ANOS1: variants seen among roughly 807,000 people sequenced by gnomAD.
The protein encoded by ANOS1 is anosmin-1.
In ANOS1, 6 loss-of-function variants were observed where a neutral mutation model predicts 59.0. That is an observed-to-expected ratio of 0.10 (90% CI 0.06 to 0.20). The LOEUF is 0.20. Among genes scored for constraint, ANOS1 ranks in the 10% least tolerant of loss-of-function variants. ANOS1 has a pLI of 1.00. For synonymous variants in ANOS1, 217 were observed against 223.4 expected, an observed-to-expected ratio of 0.97 and a Z score of 0.25; for missense variants, 433 against 542.3, an observed-to-expected ratio of 0.80 and a Z score of 2.00.
chrX:8,635,395 G>C (rs981064977), intron 2 of ANOS1, among the ~76,000 whole-genome samples: 3 of 111,860 alleles, frequency 2.7e-5, no homozygotes, highest in Non-Finnish European at 3.8e-5. Context: ...AAAATCAGCA[G>C]AATCAGTCTG....
chrX:8,632,773 TA>T lies in ANOS1; in HGVS notation c.256-9104del, dbSNP rs574902851. Among the ~76,000 whole-genome samples the T allele has an allele frequency of 2.8e-3, 288 of 102,386 alleles. 1 individual carries two copies. Among genetic ancestry groups the T allele is most frequent in the African/African-American group, 6.8e-3 (194 of 28,437 alleles). 88.9% of individuals were successfully genotyped at this position (102,386 alleles called of 115,157 possible). On this transcript the variant is annotated intron_variant, in intron 2 of 13. Transcript: ENST00000262648. ...TATAAAGAATAAGCCTTGGGGTTCT[TA>T]AAAAAAAAAAACCTCCAACTTTTTA...
chrX:8,660,309 T>C (rs773697466), intron 2 of ANOS1, among the ~76,000 whole-genome samples: 27 of 112,246 alleles, frequency 2.4e-4, no homozygotes, highest in Non-Finnish European at 4.7e-4. Flanking sequence ...GTTTGTGTTC[T>C]CCCCATTCCT....
intron 3 of ANOS1, among the ~76,000 whole-genome samples, chrX:8,607,514 A>T (rs779374830): frequency 1.8e-3 from 197 of 111,853 alleles, no homozygotes; most frequent in Non-Finnish European, 1.3e-3. Context: ...TTTGAAAACA[A>T]ATGTGTCACC....
At chrX:8,556,220 A>G (rs1929946862) in intron 8 of ANOS1, among the ~76,000 whole-genome samples, 1 of 112,213 alleles carries the variant, frequency 8.9e-6, no homozygotes, top group Non-Finnish European at 1.9e-5. Flanking sequence ...CCCACAGCCA[A>G]TATCATACTG....
chrX:8,627,411 A>G (rs1452953238), intron 2 of ANOS1, among the ~76,000 whole-genome samples: 1 of 112,078 alleles, frequency 8.9e-6, no homozygotes, highest in Non-Finnish European at 1.9e-5. Context: ...AAAAACAGGC[A>G]TATTTCTGGA....
intron 2 of ANOS1, among the ~76,000 whole-genome samples, chrX:8,641,078 T>C: frequency 8.9e-6 from 1 of 112,140 alleles, no homozygotes. Flanking sequence ...AGAAAATTAG[T>C]AGGAAATGAT....
chrX:8,559,338 CT>C (rs1446854425), intron 8 of ANOS1, among the ~76,000 whole-genome samples: 1 of 55,882 alleles, frequency 1.8e-5, no homozygotes, highest in African/African-American at 6.1e-5. Context: ...AAAGCATGAA[CT>C]TTTTTTTCCC....
chrX:8,662,476 A>G (rs1413133254), intron 2 of ANOS1, among the ~76,000 whole-genome samples: 6 of 112,154 alleles, frequency 5.3e-5, no homozygotes, highest in Non-Finnish European at 1.1e-4. Flanking sequence ...TACAGACCAT[A>G]AGAAAATGAA....
chrX:8,693,355 T>C (rs1036635841), intron 2 of ANOS1, among the ~76,000 whole-genome samples: 3 of 111,600 alleles, frequency 2.7e-5, no homozygotes, highest in Non-Finnish European at 5.6e-5. Context: ...TATGTTCCCT[T>C]ACTGAGAGGA....
intron 8 of ANOS1, among the ~76,000 whole-genome samples, chrX:8,565,127 A>G (rs914570714): frequency 1.6e-4 from 18 of 111,909 alleles, no homozygotes; most frequent in Non-Finnish European, 2.8e-4. Context: ...TTGAAGTCGG[A>G]CTTTTTTTCT....
intron 2 of ANOS1, among the ~76,000 whole-genome samples, chrX:8,630,416 T>G (rs1207250000): frequency 9.1e-6 from 1 of 110,378 alleles, no homozygotes; most frequent in Non-Finnish European, 1.9e-5. Context: ...GGTGACAGAG[T>G]AAGCCTCCAT....
chrX:8,616,336 C>T (rs1329721854), intron 3 of ANOS1, among the ~76,000 whole-genome samples: 1 of 111,799 alleles, frequency 8.9e-6, no homozygotes, highest in Non-Finnish European at 1.9e-5. Context: ...ATTTATTGGC[C>T]TCTCTTAAAT....
At chrX:8,660,100 C>T (rs1014050616) in intron 2 of ANOS1, among the ~76,000 whole-genome samples, 1 of 110,068 alleles carries the variant, frequency 9.1e-6, no homozygotes, top group Non-Finnish European at 1.9e-5. Context: ...CCACTGAACA[C>T]AGGGGAGCCA....
chrX:8,672,535 G>T (rs1342962888), intron 2 of ANOS1, among the ~76,000 whole-genome samples: 1 of 112,316 alleles, frequency 8.9e-6, no homozygotes, highest in African/African-American at 3.2e-5. Context: ...GGGGTGCACT[G>T]GTTCCCAGCA....
At chrX:8,654,875 C>G (rs1229309922) in intron 2 of ANOS1, among the ~76,000 whole-genome samples, 1 of 112,158 alleles carries the variant, frequency 8.9e-6, no homozygotes, top group African/African-American at 3.2e-5. Flanking sequence ...TTTTGTAACA[C>G]CTGATAATTA....
At chrX:8,541,431 A>C (rs1173286045) in intron 9 of ANOS1, among the ~76,000 whole-genome samples, 5 of 98,846 alleles carry the variant, frequency 5.1e-5, no homozygotes, top group African/African-American at 1.8e-4. Flanking sequence ...AAAACAAAAA[A>C]ACAAAAAAAT....
chrX:8,701,206 C>T (rs1409518828), intron 1 of ANOS1, among the ~76,000 whole-genome samples: 1 of 110,305 alleles, frequency 9.1e-6, no homozygotes, highest in Non-Finnish European at 1.9e-5. Flanking sequence ...GTCATGACCT[C>T]TAGTTCTCTG....
intron 9 of ANOS1, among the ~76,000 whole-genome samples, chrX:8,544,095 T>C (rs897890324): frequency 1.8e-5 from 2 of 109,686 alleles, no homozygotes; most frequent in Non-Finnish European, 1.9e-5. Flanking sequence ...TCTTTTCAAA[T>C]AGATGTAACT....
chrX:8,705,786 G>T (rs1487751083), intron 1 of ANOS1, among the ~76,000 whole-genome samples: 1 of 112,679 alleles, frequency 8.9e-6, no homozygotes, highest in Non-Finnish European at 1.9e-5. Flanking sequence ...ATAAAGTCTT[G>T]TTCTGGCTTA....
Sources: allele counts gnomAD v4.1 joint callset (sites outside exome capture counted in the v4.1 genomes callset), GRCh38; gene constraint gnomAD v4.1.1; transcripts MANE v1.5; gene names NCBI Gene and HGNC (gene_info 2026-07-23, HGNC 2026-07-21).